Variants in DPP10 observed in about 807,000 individuals in gnomAD.
DPP10 encodes the protein dipeptidyl peptidase like 10, also known as inactive dipeptidyl peptidase 10.
DPP10 carries 33 observed loss-of-function variants against 120.9 expected under a neutral mutation model. That is an observed-to-expected ratio of 0.27 (90% confidence interval 0.21 to 0.37). DPP10 has a LOEUF of 0.37. Ranked by LOEUF, DPP10 falls within the 10% of genes least tolerant of loss-of-function variation. The pLI is 1.00. For missense variants in DPP10, 816 were observed against 942.8 expected (o/e 0.87, Z 1.76); for synonymous variants, 337 against 326.1 (o/e 1.03, Z -0.36).
At chr2:115,530,469 C>T (rs1276107900) in intron 5 of DPP10, among the ~76,000 whole-genome samples, 1 of 151,938 alleles carries the variant, frequency 6.6e-6, no homozygotes. Context: ...AATAGAAAAA[C>T]AGGAGTTTGA....
rs886971795 is a variant in DPP10 at position 115,844,258 on chromosome 2, C to A, written c.*1913C>A. 1.2e-4 allele frequency: 19 copies of A among 152,434 alleles called. No individual in the cohort carries two copies. The highest frequency in any genetic ancestry group is 7.4e-5 in the Non-Finnish European group (5 of 67,952). The allele number at this position is 152,434 out of a possible 1,614,324, so 9.4% of individuals were successfully genotyped here. On this transcript the variant is annotated 3_prime_UTR_variant, in exon 26 of 26. Coordinates refer to ENST00000410059, the MANE Select transcript of DPP10 (RefSeq NM_020868.6). ...TTTAACCAATATTTTAAATTTGAAC[C>A]ACTAGAGTTTTTTATGATGCAAATG...
intron 1 of DPP10, among the ~76,000 whole-genome samples, chr2:114,541,521 A>T (rs1686953986): frequency 6.6e-6 from 1 of 152,198 alleles, no homozygotes; most frequent in African/African-American, 2.4e-5. Context: ...CAAATGAATC[A>T]TCAGATCTTA....
intron 1 of DPP10, among the ~76,000 whole-genome samples, chr2:114,636,393 A>G (rs1302989581): frequency 2.0e-5 from 3 of 152,018 alleles, no homozygotes. Context: ...GCCTTGAAAA[A>G]TACCTTGATT....
chr2:115,273,998 C>T (rs1559348442), intron 1 of DPP10, among the ~76,000 whole-genome samples: 1 of 152,120 alleles, frequency 6.6e-6, no homozygotes, highest in Non-Finnish European at 1.5e-5. Context: ...ATGCACCCAC[C>T]TCTCCGAGAG....
intron 1 of DPP10, among the ~76,000 whole-genome samples, chr2:114,987,700 A>G (rs1019884243): frequency 2.6e-5 from 4 of 151,336 alleles, no homozygotes; most frequent in Non-Finnish European, 4.4e-5. Context: ...AGGAATGGCT[A>G]TTCATTTCGC....
chr2:115,036,701 C>T (rs997293330), intron 1 of DPP10, among the ~76,000 whole-genome samples: 3 of 152,000 alleles, frequency 2.0e-5, no homozygotes, highest in African/African-American at 7.2e-5. Flanking sequence ...GTTTGTTTTA[C>T]TTCACTGTTT....
At chr2:115,175,478 G>C (rs904424990) in intron 1 of DPP10, among the ~76,000 whole-genome samples, 7 of 152,066 alleles carry the variant, frequency 4.6e-5, no homozygotes, top group Non-Finnish European at 7.4e-5. Flanking sequence ...CTTGCACATG[G>C]GGCAAGCTAC....
chr2:114,829,244 C>T lies in DPP10; in HGVS notation c.60+386406C>T, dbSNP rs1184758877. Among the ~76,000 whole-genome samples the T allele has an allele frequency of 5.3e-5, 8 of 151,860 alleles. No homozygotes were observed. In the East Asian group the frequency reaches 1.2e-3, roughly 22 times the overall value. On this transcript the variant is annotated intron_variant, in intron 1 of 25. Coordinates refer to ENST00000410059, the MANE Select transcript of DPP10 (RefSeq NM_020868.6). ...AGCAGAGGTAGCAGTGAGCCAAGAT[C>T]GAGCCACTGCACTCCAGCCTGGGCG...
At chr2:115,577,972 AATT>A (rs1350543154) in intron 5 of DPP10, among the ~76,000 whole-genome samples, 7 of 152,294 alleles carry the variant, frequency 4.6e-5, no homozygotes, top group African/African-American at 1.7e-4. Context: ...ACATTATTAC[AATT>A]ATTAATTCCA....
chr2:114,715,268 G>T lies in DPP10; in HGVS notation c.60+272430G>T, dbSNP rs75713181. 8.4e-3 allele frequency among the ~76,000 whole-genome samples: 1,282 copies of T among 152,216 alleles called. 10 individuals carry two copies. Among genetic ancestry groups the T allele is most frequent in the Admixed American group, 0.015 (226 of 15,280 alleles). On this transcript the variant is annotated intron_variant, in intron 1 of 25. Coordinates refer to ENST00000410059, the MANE Select transcript of DPP10 (RefSeq NM_020868.6). Reference sequence around the variant, plus strand: ...TGGAAAATTCTCATTAATTCAATTTGTATTGATATAAATAATGTTCCTCAA... The same window carrying T: ...TGGAAAATTCTCATTAATTCAATTTTTATTGATATAAATAATGTTCCTCAA...
At chr2:114,836,055 C>A (rs546508397) in intron 1 of DPP10, among the ~76,000 whole-genome samples, 1 of 152,248 alleles carries the variant, frequency 6.6e-6, no homozygotes, top group East Asian at 1.9e-4. Context: ...TGATTCTTTG[C>A]TCTTACCTGG....
intron 10 of DPP10, among the ~76,000 whole-genome samples, chr2:115,749,519 A>G (rs540672655): frequency 1.3e-5 from 2 of 151,962 alleles, no homozygotes; most frequent in Non-Finnish European, 2.9e-5. Context: ...TTCTCTCCCT[A>G]TTTCTTTAAG....
At chr2:115,152,706 G>A (rs2051639086) in intron 1 of DPP10, among the ~76,000 whole-genome samples, 1 of 152,024 alleles carries the variant, frequency 6.6e-6, no homozygotes, top group Non-Finnish European at 1.5e-5. Flanking sequence ...CCTCAGTATG[G>A]GGTCCTGTTT....
intron 3 of DPP10, among the ~76,000 whole-genome samples, chr2:115,464,439 CA>C (rs1167348559): frequency 6.6e-6 from 1 of 150,824 alleles, no homozygotes; most frequent in Non-Finnish European, 1.5e-5. Flanking sequence ...AACAAACAAA[CA>C]AAAAAAACAG....
chr2:114,888,874 C>G (rs1692307044), intron 1 of DPP10, among the ~76,000 whole-genome samples: 1 of 152,098 alleles, frequency 6.6e-6, no homozygotes, highest in Non-Finnish European at 1.5e-5. Context: ...CTGGAGGTAT[C>G]TCATAGCCCT....
chr2:115,515,512 T>A (rs2077456074), intron 4 of DPP10, among the ~76,000 whole-genome samples: 1 of 152,102 alleles, frequency 6.6e-6, no homozygotes, highest in South Asian at 2.1e-4. Flanking sequence ...GGTGTTTGAA[T>A]TCCTGTGCAT....
chr2:115,337,915 C>A (rs10779891), intron 2 of DPP10, among the ~76,000 whole-genome samples: 103,193 of 151,722 alleles, frequency 0.68, 35,667 homozygotes, highest in Admixed American at 0.75. Context: ...AAGCCAAATA[C>A]ATTAATTATT....
intron 1 of DPP10, among the ~76,000 whole-genome samples, chr2:114,451,846 G>T (rs1010082671): frequency 1.3e-5 from 2 of 152,192 alleles, no homozygotes; most frequent in Non-Finnish European, 2.9e-5. Flanking sequence ...TATAAAGATG[G>T]TAACACGTTC....
intron 11 of DPP10, among the ~76,000 whole-genome samples, chr2:115,762,195 C>T (rs1680196269): frequency 6.6e-6 from 1 of 151,994 alleles, no homozygotes; most frequent in Non-Finnish European, 1.5e-5. Flanking sequence ...GGCTGTTTGC[C>T]CAGTTGCTTT....
Sources: allele counts gnomAD v4.1 joint callset (sites outside exome capture counted in the v4.1 genomes callset), GRCh38; gene constraint gnomAD v4.1.1; transcripts MANE v1.5; gene names NCBI Gene and HGNC (gene_info 2026-07-23, HGNC 2026-07-21).